DLG2: variants seen among roughly 807,000 people sequenced by gnomAD.
The protein encoded by DLG2 is discs large MAGUK scaffold protein 2.
DLG2 carries 45 observed loss-of-function variants against 132.5 expected under a neutral mutation model. The ratio of observed to expected loss-of-function variants is 0.34; its 90% CI spans 0.27 to 0.44. DLG2 has a LOEUF of 0.44. Ranked by LOEUF, DLG2 falls within the 20% of genes least tolerant of loss-of-function variation. The pLI, the probability that DLG2 is intolerant of heterozygous loss-of-function variation, is 1.00. For missense variants in DLG2, 1,045 were observed against 1,196.9 expected, an observed-to-expected ratio of 0.87 and a Z score of 1.87; for synonymous variants, 424 against 419.6, an observed-to-expected ratio of 1.01 and a Z score of -0.13.
At chr11:84,433,575 A>G (rs555795695) in intron 7 of DLG2, among the ~76,000 whole-genome samples, 2 of 152,372 alleles carry the variant, frequency 1.3e-5, no homozygotes, top group East Asian at 3.9e-4. Flanking sequence ...TATTCAGAGA[A>G]TTTGTTGGTA....
At chr11:85,462,639 C>G (rs922126531) in intron 3 of DLG2, among the ~76,000 whole-genome samples, 2 of 148,952 alleles carry the variant, frequency 1.3e-5, no homozygotes, top group Non-Finnish European at 3.0e-5. Context: ...CATCACACAC[C>G]GGGGCCTGTT....
intron 3 of DLG2, among the ~76,000 whole-genome samples, chr11:85,598,008 T>TA (rs150418411): frequency 0.046 from 6,386 of 139,090 alleles, 396 homozygotes; most frequent in African/African-American, 0.15. Flanking sequence ...GAGATGTATA[T>TA]AAAAAAAAAT....
At chr11:85,183,800 T>C (rs373049205) in intron 4 of DLG2, among the ~76,000 whole-genome samples, 1 of 151,896 alleles carries the variant, frequency 6.6e-6, no homozygotes, top group African/African-American at 2.4e-5. Flanking sequence ...AGGTTCATTA[T>C]CTTAGCTGGA....
intron 9 of DLG2, among the ~76,000 whole-genome samples, chr11:84,109,965 A>G (rs2093242845): frequency 6.6e-6 from 1 of 152,136 alleles, no homozygotes; most frequent in Non-Finnish European, 1.5e-5. Context: ...ATACCCCTCA[A>G]ATCCATCCAG....
At position 84,013,687 on chromosome 11, in the gene DLG2, T is replaced by C. The variant is rs541239584; in HGVS notation, c.920-33045A>G. On this transcript the variant is annotated intron_variant, in intron 11 of 27. Transcript: ENST00000376104. ...TTCGAGATCAGCCTGGCCAATGTGG[T>C]GAAACCCCATCTCTACTAAAAATAC... 9.2e-5 allele frequency among the ~76,000 whole-genome samples: 14 copies of C among 151,830 alleles called. No individual in the cohort carries two copies. In the East Asian group the frequency reaches 2.7e-3, roughly 30 times the overall value.
chr11:84,112,321 CCT>C (rs2093399563), intron 9 of DLG2, among the ~76,000 whole-genome samples: 2 of 91,866 alleles, frequency 2.2e-5, no homozygotes, highest in South Asian at 5.0e-4. Context: ...TTTTACTTTT[CCT>C]TTTTTTTTTT....
intron 19 of DLG2, among the ~76,000 whole-genome samples, chr11:83,587,510 A>G (rs2097106116): frequency 1.3e-5 from 2 of 152,310 alleles, no homozygotes; most frequent in South Asian, 2.1e-4. Context: ...AGCTCAAACA[A>G]TCTGTTCTCC....
intron 6 of DLG2, among the ~76,000 whole-genome samples, chr11:84,959,948 G>T (rs2052309299): frequency 6.6e-6 from 1 of 152,210 alleles, no homozygotes; most frequent in Admixed American, 6.5e-5. Flanking sequence ...GATTGGTTCT[G>T]TGGGAGTGGT....
At chr11:83,526,827 G>GC (rs934300312) in intron 21 of DLG2, among the ~76,000 whole-genome samples, 6 of 151,638 alleles carry the variant, frequency 4.0e-5, no homozygotes, top group Non-Finnish European at 7.4e-5. Flanking sequence ...ATCCTTCAAC[G>GC]CCCCCTAATT....
At chr11:83,759,349 T>C (rs1395143292) in intron 18 of DLG2, among the ~76,000 whole-genome samples, 1 of 152,114 alleles carries the variant, frequency 6.6e-6, no homozygotes, top group Non-Finnish European at 1.5e-5. Context: ...GAGCATAGAA[T>C]TGTGGTTGGA....
intron 7 of DLG2, among the ~76,000 whole-genome samples, chr11:84,507,127 C>T (rs2099243608): frequency 6.6e-6 from 1 of 152,160 alleles, no homozygotes; most frequent in Non-Finnish European, 1.5e-5. Context: ...TTTCTATATA[C>T]TCATTCACTC....
At chr11:85,499,132 A>T (rs919791516) in intron 3 of DLG2, among the ~76,000 whole-genome samples, 1 of 152,108 alleles carries the variant, frequency 6.6e-6, no homozygotes, top group African/African-American at 2.4e-5. Context: ...GAAACAAAAA[A>T]CCCCTTCCAA....
chr11:84,165,168 A>G (rs943767806), intron 8 of DLG2, among the ~76,000 whole-genome samples: 2 of 152,050 alleles, frequency 1.3e-5, no homozygotes, highest in Non-Finnish European at 2.9e-5. Context: ...TCTTTGCTTC[A>G]GTGCTTCTCC....
At chr11:84,769,870 C>A (rs773022838) in intron 6 of DLG2, among the ~76,000 whole-genome samples, 15 of 152,092 alleles carry the variant, frequency 9.9e-5, no homozygotes, top group Non-Finnish European at 2.2e-4. Context: ...TCCTGCCCAA[C>A]CAAGCTTCAA....
intron 8 of DLG2, among the ~76,000 whole-genome samples, chr11:84,226,964 T>A (rs1395669322): frequency 1.3e-5 from 2 of 151,942 alleles, no homozygotes; most frequent in Non-Finnish European, 2.9e-5. Flanking sequence ...TGGGCGCCTG[T>A]AATCCCAATC....
chr11:84,294,704 C>T lies in DLG2; in HGVS notation c.520-43413G>A, dbSNP rs189272670. ...TTATTCAGCAATAATTTATTAAGGA[C>T]TTAATGAACGTTATCTTCTGTGTTA... On this transcript the variant is annotated intron_variant, in intron 7 of 27. Transcript: ENST00000376104. Among the ~76,000 whole-genome samples the T allele has an allele frequency of 9.2e-5, 14 of 152,280 alleles. 1 individual carries two copies. In the East Asian group the frequency reaches 2.7e-3, roughly 29 times the overall value.
intron 6 of DLG2, among the ~76,000 whole-genome samples, chr11:84,863,225 T>A (rs1212033778): frequency 6.6e-6 from 1 of 152,114 alleles, no homozygotes; most frequent in Non-Finnish European, 1.5e-5. Context: ...TCTAATGGAT[T>A]GTCCAGTTTC....
At chr11:85,349,145 A>T (rs1191824479) in intron 3 of DLG2, among the ~76,000 whole-genome samples, 1 of 152,146 alleles carries the variant, frequency 6.6e-6, no homozygotes, top group East Asian at 1.9e-4. Context: ...TAACATTAAA[A>T]CAGAGACCTT....
chr11:84,821,662 A>T (rs1454220738), intron 6 of DLG2, among the ~76,000 whole-genome samples: 1 of 151,386 alleles, frequency 6.6e-6, no homozygotes, highest in Non-Finnish European at 1.5e-5. Flanking sequence ...AAAAAAAACA[A>T]AAAAACAACT....
Sources: allele counts gnomAD v4.1 joint callset (sites outside exome capture counted in the v4.1 genomes callset), GRCh38; gene constraint gnomAD v4.1.1; transcripts MANE v1.5; gene names NCBI Gene and HGNC (gene_info 2026-07-23, HGNC 2026-07-21).